The following ZSWIM6 variants were observed in gnomAD, a reference collection of about 807,000 sequenced individuals.
ZSWIM6 encodes zinc finger SWIM domain-containing protein 6.
ZSWIM6 carries 9 observed loss-of-function variants against 113.2 expected under a neutral mutation model. That is an observed-to-expected ratio of 0.08 (90% CI 0.05 to 0.14). The LOEUF (loss-of-function observed/expected upper bound fraction) is 0.14, where lower values mean the gene tolerates loss of function less well. Ranked by LOEUF, ZSWIM6 falls within the 10% of genes least tolerant of loss-of-function variation. The probability of loss-of-function intolerance (pLI) is 1.00; values close to 1 mark genes in which losing one functional copy is unlikely to be tolerated. For missense variants in ZSWIM6, 1,162 were observed against 1,552.2 expected, an observed-to-expected ratio of 0.75 and a Z score of 4.22; for synonymous variants, 611 against 606.5, an observed-to-expected ratio of 1.01 and a Z score of -0.11.
intron 2 of ZSWIM6, among the ~76,000 whole-genome samples, chr5:61,488,595 A>G (rs1251214580): frequency 6.6e-6 from 1 of 151,946 alleles, no homozygotes; most frequent in African/African-American, 2.4e-5. Flanking sequence ...TTTGGGGCAT[A>G]TAGTTGTTCA....
At chr5:61,456,903 C>CTT (rs57733333) in intron 1 of ZSWIM6, among the ~76,000 whole-genome samples, 8 of 144,740 alleles carry the variant, frequency 5.5e-5, no homozygotes, top group African/African-American at 1.8e-4. Flanking sequence ...TTTTTTTTTT[C>CTT]TTTTTTTTAT....
intron 1 of ZSWIM6, among the ~76,000 whole-genome samples, chr5:61,373,228 A>G (rs1745302843): frequency 6.6e-6 from 1 of 152,108 alleles, no homozygotes; most frequent in African/African-American, 2.4e-5. Context: ...GATTACAGGC[A>G]TGAGCCACTG....
At chr5:61,451,829 A>C (rs995641957) in intron 1 of ZSWIM6, among the ~76,000 whole-genome samples, 3 of 152,174 alleles carry the variant, frequency 2.0e-5, no homozygotes, top group Non-Finnish European at 4.4e-5. Context: ...AGATGGAAAA[A>C]ATTTTAGCAC....
At chr5:61,338,766 A>G (rs1744461551) in intron 1 of ZSWIM6, among the ~76,000 whole-genome samples, 1 of 152,208 alleles carries the variant, frequency 6.6e-6, no homozygotes, top group Non-Finnish European at 1.5e-5. Flanking sequence ...CAGTTGTGTT[A>G]CAAGTACACC....
chr5:61,515,148 G>T (rs1001629057), intron 4 of ZSWIM6, among the ~76,000 whole-genome samples: 21 of 152,098 alleles, frequency 1.4e-4, no homozygotes, highest in African/African-American at 4.1e-4. Flanking sequence ...GCATGAAGTT[G>T]TCCAGAGTAT....
At chr5:61,483,214 G>A (rs936278240) in intron 2 of ZSWIM6, among the ~76,000 whole-genome samples, 3 of 152,098 alleles carry the variant, frequency 2.0e-5, no homozygotes, top group African/African-American at 4.8e-5. Flanking sequence ...ATGCTAACAC[G>A]CTAGCTTAGG....
chr5:61,354,185 G>C (rs1051850095), intron 1 of ZSWIM6, among the ~76,000 whole-genome samples: 3 of 152,140 alleles, frequency 2.0e-5, no homozygotes, highest in African/African-American at 7.2e-5. Flanking sequence ...CAGATTAACT[G>C]CCTGCGTGTT....
In ZSWIM6 at chr5:61,542,074, G is replaced by A. The variant is rs926639948; in HGVS notation, c.2785+109G>A. On this transcript the variant is annotated intron_variant, in intron 13 of 13. Transcript: ENST00000252744. Reference sequence around the variant, plus strand: ...ACTCTTTTATGTTGACTTCTCCAAGGCTCCTTCTAGCAGTCCACAAGGGCT... The same window carrying A: ...ACTCTTTTATGTTGACTTCTCCAAGACTCCTTCTAGCAGTCCACAAGGGCT... 3.2e-6 allele frequency: 3 copies of A among 949,772 alleles called. 1 individual carries two copies. The South Asian group carries it at 5.4e-5, about 17-fold the overall frequency. The allele number at this position is 949,772 out of a possible 1,614,324, so 58.8% of individuals were successfully genotyped here.
At chr5:61,538,723 C>T (rs1223041363) in intron 10 of ZSWIM6, 91 bp from the exon 11 acceptor site, 2 of 1,391,802 alleles carry the variant, frequency 1.4e-6, no homozygotes, top group Non-Finnish European at 1.9e-6. Flanking sequence ...GAACATCTAC[C>T]CACTCCTCTG....
intron 1 of ZSWIM6, among the ~76,000 whole-genome samples, chr5:61,363,932 T>C (rs1264053425): frequency 6.8e-6 from 1 of 147,130 alleles, no homozygotes; most frequent in South Asian, 2.3e-4. Flanking sequence ...TCCCTCCCTC[T>C]TTCTTTCTTT....
At chr5:61,362,254 A>G (rs781591088) in intron 1 of ZSWIM6, among the ~76,000 whole-genome samples, 3 of 151,450 alleles carry the variant, frequency 2.0e-5, no homozygotes, top group Non-Finnish European at 4.4e-5. Flanking sequence ...GCTGGAATGC[A>G]ATGGCCCCAT....
intron 1 of ZSWIM6, among the ~76,000 whole-genome samples, chr5:61,453,946 A>G (rs1561243856): frequency 6.6e-6 from 1 of 152,144 alleles, no homozygotes; most frequent in Non-Finnish European, 1.5e-5. Context: ...TTCATCAGTG[A>G]ATCTTCTTTG....
At chr5:61,450,450 ATGTGAT>A (rs1747062520) in intron 1 of ZSWIM6, among the ~76,000 whole-genome samples, 1 of 152,206 alleles carries the variant, frequency 6.6e-6, no homozygotes, top group Non-Finnish European at 1.5e-5. Flanking sequence ...TTTCTCATTT[ATGTGAT>A]TTATTTAAAA....
chr5:61,507,862 T>C (rs1748665427), intron 4 of ZSWIM6, among the ~76,000 whole-genome samples: 1 of 152,176 alleles, frequency 6.6e-6, no homozygotes, highest in African/African-American at 2.4e-5. Context: ...GATGATTCTG[T>C]CAAGACTAAT....
At chr5:61,416,519 T>A (rs1746259423) in intron 1 of ZSWIM6, among the ~76,000 whole-genome samples, 1 of 152,350 alleles carries the variant, frequency 6.6e-6, no homozygotes, top group Middle Eastern at 3.4e-3. Context: ...GTTTCTTGAT[T>A]CTCTCAGAAG....
intron 1 of ZSWIM6, among the ~76,000 whole-genome samples, chr5:61,460,843 G>A (rs569485245): frequency 3.3e-4 from 50 of 151,702 alleles, no homozygotes; most frequent in Admixed American, 7.9e-4. Context: ...GTTTCATTCC[G>A]TTTTTTAATG....
chr5:61,379,297 T>A (rs1346662722), intron 1 of ZSWIM6, among the ~76,000 whole-genome samples: 1 of 152,058 alleles, frequency 6.6e-6, no homozygotes, highest in Non-Finnish European at 1.5e-5. Context: ...TTTTTCTTAC[T>A]GCAATTTCAA....
At chr5:61,342,929 A>G (rs1744578938) in intron 1 of ZSWIM6, among the ~76,000 whole-genome samples, 1 of 152,182 alleles carries the variant, frequency 6.6e-6, no homozygotes, top group African/African-American at 2.4e-5. Flanking sequence ...AATGAATTTC[A>G]GCTTTGGAGG....
At chr5:61,404,122 C>G (rs868577922) in intron 1 of ZSWIM6, among the ~76,000 whole-genome samples, 4 of 152,162 alleles carry the variant, frequency 2.6e-5, no homozygotes, top group Middle Eastern at 6.8e-3. Flanking sequence ...ATTCTCTTGC[C>G]TCAGCCTCCC....
Sources: allele counts gnomAD v4.1 joint callset (sites outside exome capture counted in the v4.1 genomes callset), GRCh38; gene constraint gnomAD v4.1.1; transcripts MANE v1.5; gene names NCBI Gene and HGNC (gene_info 2026-07-23, HGNC 2026-07-21).